Variants in ABCD2 observed in about 807,000 individuals in gnomAD.
The protein encoded by ABCD2 is ATP-binding cassette sub-family D member 2.
A neutral mutation model predicts 70.9 loss-of-function variants in ABCD2; 36 were observed. That is an observed-to-expected ratio of 0.51 (90% CI 0.39 to 0.67). ABCD2 has a LOEUF of 0.67. Among genes scored for constraint, ABCD2 ranks in the 30% least tolerant of loss-of-function variants. The pLI is 0.00. For missense variants in ABCD2, 729 were observed against 890.2 expected, an observed-to-expected ratio of 0.82 and a Z score of 2.30; for synonymous variants, 304 against 306.9, an observed-to-expected ratio of 0.99 and a Z score of 0.10.
At chr12:39,580,816 C>A (rs1349453888) in intron 7 of ABCD2, among the ~76,000 whole-genome samples, 4 of 152,026 alleles carry the variant, frequency 2.6e-5, no homozygotes, top group African/African-American at 9.7e-5. Context: ...TGAATTTTTA[C>A]CATTAAAATT....
In ABCD2 at chr12:39,586,210, T is replaced by A. The variant is rs944353644; in HGVS notation, c.1734A>T (p.Gln578His). 20 of 1,613,642 alleles carry A rather than the reference T, an allele frequency of 1.2e-5. No individual in the cohort carries two copies. Among genetic ancestry groups the A allele is most frequent in the Non-Finnish European group, 1.6e-5 (19 of 1,179,662 alleles). Residue 578 changes from glutamine (Q) to histidine (H), a missense_variant, in exon 7 of 10, where the codon CAA becomes CAT. Coordinates refer to ENST00000308666, the MANE Select transcript of ABCD2 (RefSeq NM_005164.4). ...DDMHDKGYTD[Q>H]DLERILHNVH... Reference sequence around the variant, plus strand: ...CATTGTGTAGGATACGTTCCAGATCTTGGTCTGTATAACCTTTATCATGCA... The same window carrying A: ...CATTGTGTAGGATACGTTCCAGATCATGGTCTGTATAACCTTTATCATGCA...
chr12:39,574,561 C>G (rs886745994), intron 8 of ABCD2, among the ~76,000 whole-genome samples: 5 of 152,036 alleles, frequency 3.3e-5, no homozygotes, highest in African/African-American at 1.2e-4. Context: ...CATCTCACCC[C>G]CTGCTCTTAC....
rs547789795 is a variant in ABCD2 at position 39,564,793 on chromosome 12, A to T, written c.2003+8923T>A. ...ACATTTAAGTCTTGAATCCATCTTG[A>T]ATTAATTTTTGTATAAGGTGTAAGG... On this transcript the variant is annotated intron_variant, in intron 9 of 9. Transcript: ENST00000308666. Among the ~76,000 whole-genome samples the T allele has an allele frequency of 3.3e-3, 506 of 152,144 alleles. 2 individuals carry two copies. The highest frequency in any genetic ancestry group is 0.011 in the African/African-American group (467 of 41,504).
intron 6 of ABCD2, among the ~76,000 whole-genome samples, chr12:39,594,901 G>A (rs1249258430): frequency 6.6e-6 from 1 of 152,134 alleles, no homozygotes; most frequent in Non-Finnish European, 1.5e-5. Flanking sequence ...TTGAGGCCAG[G>A]AGTTCAAGAT....
intron 6 of ABCD2, among the ~76,000 whole-genome samples, chr12:39,588,287 C>T (rs141675155): frequency 1.3e-5 from 2 of 152,098 alleles, no homozygotes; most frequent in South Asian, 4.2e-4. Context: ...CCATCTTAAT[C>T]CAGACCCCCC....
downstream of ABCD2, among the ~76,000 whole-genome samples, chr12:39,549,613 A>G (rs538789399): frequency 8.6e-5 from 13 of 151,944 alleles, no homozygotes; most frequent in Non-Finnish European, 1.8e-4. Context: ...TACAAAGTGT[A>G]ACATAAGTTC....
intron 7 of ABCD2, among the ~76,000 whole-genome samples, chr12:39,581,702 T>C (rs1941598413): frequency 6.6e-6 from 1 of 152,156 alleles, no homozygotes; most frequent in Non-Finnish European, 1.5e-5. Flanking sequence ...AAGAGAAAAG[T>C]ATTTGGGTCA....
chr12:39,573,774 G>A lies in ABCD2; in HGVS notation c.1945C>T (p.Gln649Ter). 1 of 1,613,410 alleles carries A rather than the reference G, an allele frequency of 6.2e-7. No individual in the cohort carries two copies. Among genetic ancestry groups the A allele is most frequent in the East Asian group, 2.2e-5 (1 of 44,828 alleles). Residue 649 changes from glutamine to a stop codon, truncating the protein, a stop_gained, in exon 9 of 10, where the codon CAG becomes TAG. Coordinates refer to ENST00000308666, the MANE Select transcript of ABCD2 (RefSeq NM_005164.4). LOFTEE classifies it high-confidence loss of function. Reference protein sequence around the residue: ...VSIDVEGKIFQAAKGAGISLL... With the variant: ...VSIDVEGKIF ...GAAATTCCAGCCCCTTTTGCAGCCT[G>A]AAATATCTTTCCTTCGACATCAATG... is the stretch of plus-strand genomic sequence containing the variant.
rs555459575 is a variant in ABCD2 at position 39,569,641 on chromosome 12, G to A, written c.2003+4075C>T. On this transcript the variant is annotated intron_variant, in intron 9 of 9. Transcript: ENST00000308666. The stretch of plus-strand genomic sequence containing the variant: ...GGTCTGCACCCACTGTCCTGCACCC[G>A]CTTTCTGACACTCCCCAGTGAGATG... Among the ~76,000 whole-genome samples, 216 of 152,162 alleles carry A rather than the reference G, an allele frequency of 1.4e-3. 1 individual carries two copies. The highest frequency in any genetic ancestry group is 8.1e-3 in the South Asian group (39 of 4,802).
At position 39,571,665 on chromosome 12, in the gene ABCD2, T is replaced by C. The variant is rs531645693; in HGVS notation, c.2003+2051A>G. Among the ~76,000 whole-genome samples the C allele has an allele frequency of 7.2e-5, 11 of 152,338 alleles. 1 individual carries two copies. The highest frequency in any genetic ancestry group is 2.2e-4 in the African/African-American group (9 of 41,586). On this transcript the variant is annotated intron_variant, in intron 9 of 9. Transcript: ENST00000308666. The stretch of plus-strand genomic sequence containing the variant: ...GCATGTTCTATATTACAAGCTGAGA[T>C]AATATTTCAGGGTTTATCTATTTTA...
Position 39,568,016 on chromosome 12 carries a change from C to T in ABCD2, c.2003+5700G>A, listed in dbSNP as rs1201542643. On this transcript the variant is annotated intron_variant, in intron 9 of 9. Transcript: ENST00000308666. ...ATCAGCTGTTAGTCTGATGGGCTTC[C>T]CTTTGTGGGTAACCCCACCTTTCTC... Among the ~76,000 whole-genome samples, 4 of 151,822 alleles carry T rather than the reference C, an allele frequency of 2.6e-5. No homozygotes were observed. The South Asian group carries it at 6.3e-4, about 24-fold the overall frequency.
At chr12:39,547,905 T>C (rs1486461895), downstream of ABCD2, among the ~76,000 whole-genome samples, 2 of 151,558 alleles carry the variant, frequency 1.3e-5, no homozygotes, top group African/African-American at 4.9e-5. Flanking sequence ...TGTATATGTG[T>C]ATGTGCATGT....
intron 6 of ABCD2, among the ~76,000 whole-genome samples, chr12:39,588,454 TGAA>T (rs924402243): frequency 3.9e-5 from 6 of 152,110 alleles, no homozygotes; most frequent in African/African-American, 1.4e-4. Flanking sequence ...GAAAGCCACG[TGAA>T]GAAGGAGACA....
In ABCD2 at chr12:39,586,174, A is replaced by G. The variant is rs773745551; in HGVS notation, c.1770T>C (p.Tyr590=). The G allele has an allele frequency of 5.6e-6, 9 of 1,612,598 alleles. No homozygotes were observed. The Admixed American group carries it at 1.0e-4, about 18-fold the overall frequency. The change falls in exon 7 of 10, where the codon TAT becomes TAC. Residue 590 remains tyrosine (Y), a synonymous_variant. Transcript: ENST00000308666. ...LERILHNVHL[Y]HIVQREGGWD... ...TACCTCCTTCTCTTTGAACTATGTG[A>G]TAGAGATGGACATTGTGTAGGATAC...
intron 1 of ABCD2, 81 bp from the exon 2 acceptor site, chr12:39,617,249 C>A (rs893533109): frequency 4.6e-6 from 4 of 872,186 alleles, no homozygotes; most frequent in Non-Finnish European, 6.4e-6. Context: ...ATGGCATTAT[C>A]TATGCATCTT....
intron 9 of ABCD2, among the ~76,000 whole-genome samples, chr12:39,561,778 TCATC>T (rs1941263599): frequency 6.6e-6 from 1 of 152,100 alleles, no homozygotes; most frequent in Non-Finnish European, 1.5e-5. Context: ...AGCAATTAGA[TCATC>T]CAGACAGAAA....
chr12:39,557,250 GCATTTTGC>G (rs912346286), intron 9 of ABCD2, among the ~76,000 whole-genome samples: 25 of 152,162 alleles, frequency 1.6e-4, no homozygotes, highest in East Asian at 7.7e-4. Context: ...GAGACTGGTG[GCATTTTGC>G]CCCTGCCCTA....
intron 9 of ABCD2, among the ~76,000 whole-genome samples, chr12:39,563,577 TTAAA>T (rs1358983783): frequency 6.6e-6 from 1 of 151,982 alleles, no homozygotes; most frequent in East Asian, 1.9e-4. Context: ...AAGGAAAAAG[TTAAA>T]TAAAGGAAAA....
intron 6 of ABCD2, among the ~76,000 whole-genome samples, chr12:39,591,140 A>G (rs1941740622): frequency 6.6e-6 from 1 of 152,222 alleles, no homozygotes. Flanking sequence ...AAAGAAGTTA[A>G]CAATCTGAAA....
Sources: allele counts gnomAD v4.1 joint callset (sites outside exome capture counted in the v4.1 genomes callset), GRCh38; gene constraint gnomAD v4.1.1; transcripts MANE v1.5; gene names NCBI Gene and HGNC (gene_info 2026-07-23, HGNC 2026-07-21).